Variants in DEPTOR observed in about 807,000 individuals in gnomAD.
DEPTOR encodes the protein DEP domain-containing mTOR-interacting protein.
A neutral mutation model predicts 41.6 loss-of-function variants in DEPTOR; 41 were observed. The ratio of observed to expected loss-of-function variants is 0.98; its 90% CI spans 0.77 to 1.28. The LOEUF is 1.28. DEPTOR is among the 50% of genes most tolerant of loss of function. The pLI is 0.00. For synonymous variants in DEPTOR, 195 were observed against 192.3 expected, an observed-to-expected ratio of 1.01 and a Z score of -0.12; for missense variants, 514 against 527.9, an observed-to-expected ratio of 0.97 and a Z score of 0.26.
intron 1 of DEPTOR, among the ~76,000 whole-genome samples, chr8:119,902,452 G>A (rs1827607364): frequency 6.6e-6 from 1 of 152,110 alleles, no homozygotes; most frequent in Non-Finnish European, 1.5e-5. Context: ...CGATTCTCCT[G>A]TCTCAGCCTC....
At chr8:119,882,615 C>T (rs1469128752) in intron 1 of DEPTOR, among the ~76,000 whole-genome samples, 2 of 151,894 alleles carry the variant, frequency 1.3e-5, no homozygotes, top group African/African-American at 2.4e-5. Context: ...TGCCATGTTG[C>T]GCAGGCTGAT....
At chr8:120,042,975 C>T (rs1397001464) in intron 8 of DEPTOR, among the ~76,000 whole-genome samples, 3 of 151,966 alleles carry the variant, frequency 2.0e-5, no homozygotes, top group South Asian at 2.1e-4. Flanking sequence ...CTCAGCCTCC[C>T]GAGTAGCTGG....
Position 119,886,514 on chromosome 8 carries a change from T to C in DEPTOR, c.122+12546T>C, listed in dbSNP as rs1041846026. 1.3e-4 allele frequency among the ~76,000 whole-genome samples: 19 copies of C among 151,322 alleles called. No homozygotes were observed. The South Asian group carries it at 4.0e-3, about 32-fold the overall frequency. On this transcript the variant is annotated intron_variant, in intron 1 of 8. Coordinates refer to ENST00000286234, the MANE Select transcript of DEPTOR (RefSeq NM_022783.4). ...ACAGACACACACATATACACACAGATACACACACACAGATACATACATACA... is the reference window on the plus strand; with the variant it reads ...ACAGACACACACATATACACACAGACACACACACACAGATACATACATACA...
intron 8 of DEPTOR, among the ~76,000 whole-genome samples, chr8:120,044,156 TTTTA>T (rs1357515621): frequency 6.6e-6 from 1 of 151,690 alleles, no homozygotes; most frequent in South Asian, 2.1e-4. Flanking sequence ...AGCTTTTTAT[TTTTA>T]TTTATTTATT....
chr8:119,960,350 C>T (rs1828475071), intron 3 of DEPTOR, among the ~76,000 whole-genome samples: 1 of 152,110 alleles, frequency 6.6e-6, no homozygotes, highest in Admixed American at 6.6e-5. Flanking sequence ...GTATTATCTT[C>T]CTCATTTAAT....
chr8:119,957,670 C>T (rs1362750855), intron 3 of DEPTOR, among the ~76,000 whole-genome samples: 1 of 151,480 alleles, frequency 6.6e-6, no homozygotes, highest in Admixed American at 6.6e-5. Flanking sequence ...CTCACTGCAA[C>T]CTCCGCCTCC....
At chr8:119,990,193 C>G (rs1213225946) in intron 4 of DEPTOR, among the ~76,000 whole-genome samples, 1 of 152,150 alleles carries the variant, frequency 6.6e-6, no homozygotes, top group South Asian at 2.1e-4. Flanking sequence ...GAGTCTCACT[C>G]TGTCGCCCAG....
intron 1 of DEPTOR, among the ~76,000 whole-genome samples, chr8:119,926,031 C>A (rs1827959658): frequency 6.6e-6 from 1 of 152,104 alleles, no homozygotes; most frequent in South Asian, 2.1e-4. Context: ...GATTAGGATG[C>A]CAATTAAAAA....
chr8:119,911,896 C>T (rs936478104), intron 1 of DEPTOR, among the ~76,000 whole-genome samples: 9 of 152,128 alleles, frequency 5.9e-5, no homozygotes, highest in Non-Finnish European at 1.2e-4. Flanking sequence ...AGATGAAAAT[C>T]CAAACCTTTA....
intron 6 of DEPTOR, among the ~76,000 whole-genome samples, chr8:120,005,085 G>A (rs941513071): frequency 5.3e-5 from 8 of 152,144 alleles, no homozygotes; most frequent in African/African-American, 1.9e-4. Flanking sequence ...ATAAAGAGAA[G>A]TGCATTAAAA....
At chr8:119,968,447 G>A (rs1410318942) in intron 4 of DEPTOR, among the ~76,000 whole-genome samples, 2 of 151,814 alleles carry the variant, frequency 1.3e-5, no homozygotes, top group Non-Finnish European at 2.9e-5. Flanking sequence ...CCGAGTAGCT[G>A]TGCACCACCA....
chr8:119,911,137 G>A (rs750743455), intron 1 of DEPTOR, among the ~76,000 whole-genome samples: 10 of 151,912 alleles, frequency 6.6e-5, no homozygotes, highest in South Asian at 2.1e-4. Context: ...ACCAGATACC[G>A]TGGCCTTCTA....
chr8:119,917,392 G>A (rs1827827310), intron 1 of DEPTOR, among the ~76,000 whole-genome samples: 1 of 152,152 alleles, frequency 6.6e-6, no homozygotes, highest in Admixed American at 6.5e-5. Context: ...AGACATAGGG[G>A]ACTCCATTTT....
chr8:120,027,681 C>G (rs568425711), intron 8 of DEPTOR, among the ~76,000 whole-genome samples: 1 of 150,652 alleles, frequency 6.6e-6, no homozygotes, highest in African/African-American at 2.4e-5. Flanking sequence ...CTCCAGCCTG[C>G]GCAATGGGAG....
chr8:120,026,577 C>G (rs7464941), intron 8 of DEPTOR, among the ~76,000 whole-genome samples: 123,482 of 151,916 alleles, frequency 0.81, 50,250 homozygotes, highest in African/African-American at 0.83. Flanking sequence ...TCCTGACCTC[C>G]GGTGATCCAC....
At chr8:119,949,996 G>C (rs1325047791) in intron 3 of DEPTOR, among the ~76,000 whole-genome samples, 2 of 152,126 alleles carry the variant, frequency 1.3e-5, no homozygotes, top group Admixed American at 6.6e-5. Flanking sequence ...CCCAGAAGAA[G>C]GGTAGTTTTA....
In DEPTOR at chr8:119,906,297, C is replaced by CAAA. The variant is rs71304922; in HGVS notation, c.123-22093_123-22091dup. On this transcript the variant is annotated intron_variant, in intron 1 of 8. Transcript: ENST00000286234. ...TGAAACCCCATCTCTACTAAAAATA[C>CAAA]AAAAAAAAAAAAGCCGGGTATGGTG... Among the ~76,000 whole-genome samples the CAAA allele has an allele frequency of 8.1e-4, 114 of 140,464 alleles. 2 individuals carry two copies. Among genetic ancestry groups the CAAA allele is most frequent in the Admixed American group, 4.0e-3 (56 of 13,946 alleles). 92.1% of individuals were successfully genotyped at this position (140,464 alleles called of 152,430 possible).
At chr8:119,953,394 C>A (rs1828377586) in intron 3 of DEPTOR, among the ~76,000 whole-genome samples, 1 of 151,926 alleles carries the variant, frequency 6.6e-6, no homozygotes, top group Non-Finnish European at 1.5e-5. Flanking sequence ...AACAGCCTGG[C>A]CAACATGGTG....
chr8:120,024,393 C>T (rs7832657), intron 8 of DEPTOR, among the ~76,000 whole-genome samples: 123,137 of 152,084 alleles, frequency 0.81, 49,920 homozygotes, highest in African/African-American at 0.82. Flanking sequence ...CTGTTAGGGG[C>T]TGAATTTTGT....
Sources: allele counts gnomAD v4.1 joint callset (sites outside exome capture counted in the v4.1 genomes callset), GRCh38; gene constraint gnomAD v4.1.1; transcripts MANE v1.5; gene names NCBI Gene and HGNC (gene_info 2026-07-23, HGNC 2026-07-21).